The following CAMTA1 variants were observed in gnomAD, a reference collection of about 807,000 sequenced individuals.
The protein encoded by CAMTA1 is calmodulin-binding transcription activator 1.
Under a neutral mutation model 170.9 loss-of-function variants are expected in CAMTA1, and 27 were observed. The observed-to-expected ratio is 0.16, with a 90% confidence interval of 0.12 to 0.22. The LOEUF is 0.22. Ranked by LOEUF, CAMTA1 falls within the 10% of genes least tolerant of loss-of-function variation. CAMTA1 has a pLI of 1.00. For synonymous variants in CAMTA1, 833 were observed against 891.5 expected, an observed-to-expected ratio of 0.93 and a Z score of 1.17; for missense variants, 1,619 against 2,217.2, an observed-to-expected ratio of 0.73 and a Z score of 5.42.
At chr1:7,582,003 T>G (rs900686629) in intron 6 of CAMTA1, among the ~76,000 whole-genome samples, 1 of 152,162 alleles carries the variant, frequency 6.6e-6, no homozygotes, top group Non-Finnish European at 1.5e-5. Flanking sequence ...TCCGTCTTCT[T>G]GTCTCTCTGC....
intron 3 of CAMTA1, among the ~76,000 whole-genome samples, chr1:6,979,815 G>A (rs1205051428): frequency 6.6e-6 from 1 of 150,648 alleles, no homozygotes; most frequent in South Asian, 2.1e-4. Context: ...GAGGACCCCC[G>A]GCACCCGGGA....
chr1:7,573,550 G>T (rs963442615), intron 6 of CAMTA1, among the ~76,000 whole-genome samples: 1 of 152,182 alleles, frequency 6.6e-6, no homozygotes, highest in Non-Finnish European at 1.5e-5. Context: ...AAACCACAGC[G>T]CCAGCAGGGC....
In CAMTA1 at chr1:7,065,592, T is replaced by G. The variant is rs917461719; in HGVS notation, c.235-25712T>G. On this transcript the variant is annotated intron_variant, in intron 3 of 22. Transcript: ENST00000303635. This position sits in a 1 kb window ranked among gnomAD's most constrained non-coding sequence, Gnocchi z 5.2. ...AGGGCGCAGCTGGAGGGATTCTACC[T>G]GGAGCAGGTGGGGGTGCTTATTTCA... Among the ~76,000 whole-genome samples, 1 of 151,974 alleles carries G rather than the reference T, an allele frequency of 6.6e-6. No individual in the cohort carries two copies. Among genetic ancestry groups the G allele is most frequent in the Admixed American group, 6.5e-5 (1 of 15,268 alleles).
intron 1 of CAMTA1, among the ~76,000 whole-genome samples, chr1:6,790,982 G>C (rs1328671042): frequency 6.6e-6 from 1 of 152,090 alleles, no homozygotes; most frequent in Admixed American, 6.5e-5. Context: ...TGTAATATGT[G>C]GTTTGGCAGT....
At chr1:7,656,999 C>T (rs934456051) in intron 7 of CAMTA1, among the ~76,000 whole-genome samples, 2 of 152,224 alleles carry the variant, frequency 1.3e-5, no homozygotes, top group Admixed American at 6.5e-5. Context: ...ACACAGGCCG[C>T]GCTGCAGGCA....
intron 9 of CAMTA1, among the ~76,000 whole-genome samples, chr1:7,669,856 G>A (rs538091122): frequency 9.8e-5 from 15 of 152,336 alleles, no homozygotes; most frequent in South Asian, 8.3e-4. Context: ...CGGCTAAGCC[G>A]TAAGTAGGGG....
chr1:7,305,113 CT>C (rs1311391383), intron 5 of CAMTA1, among the ~76,000 whole-genome samples: 1 of 152,014 alleles, frequency 6.6e-6, no homozygotes, highest in East Asian at 1.9e-4. Flanking sequence ...AATCATCTAC[CT>C]TTTTTTCTTG....
intron 6 of CAMTA1, among the ~76,000 whole-genome samples, chr1:7,558,252 G>A (rs372765588): frequency 3.0e-4 from 46 of 152,330 alleles, no homozygotes; most frequent in Admixed American, 1.6e-3. Context: ...CAGGGCCCCC[G>A]CCCGCTGCCT....
intron 6 of CAMTA1, among the ~76,000 whole-genome samples, chr1:7,535,861 C>T (rs2094543484): frequency 6.6e-6 from 1 of 152,164 alleles, no homozygotes; most frequent in Non-Finnish European, 1.5e-5. Context: ...GGGGCGCTGC[C>T]ACAGGTGTGA....
intron 11 of CAMTA1, among the ~76,000 whole-genome samples, chr1:7,718,723 A>G (rs2096629839): frequency 1.3e-5 from 2 of 151,414 alleles, no homozygotes; most frequent in East Asian, 3.9e-4. Context: ...ATGCCCAGCT[A>G]ATTTTTGTGT....
At chr1:7,661,543 T>A (rs938489294) in intron 7 of CAMTA1, among the ~76,000 whole-genome samples, 183 bp from the exon 8 acceptor site, 27 of 152,168 alleles carry the variant, frequency 1.8e-4, no homozygotes, top group African/African-American at 6.0e-4. Context: ...GCAGGGGGTC[T>A]GGCGGGGGCA....
At position 7,601,989 on chromosome 1, in the gene CAMTA1, G is replaced by GGGGAGA. The variant is rs1168305140; in HGVS notation, c.511-38384_511-38379dup. 4.6e-3 allele frequency among the ~76,000 whole-genome samples: 537 copies of GGGGAGA among 116,498 alleles called. 16 individuals are homozygous for GGGGAGA. Among genetic ancestry groups the GGGGAGA allele is most frequent in the African/African-American group, 0.01 (289 of 28,272 alleles). The allele number at this position is 116,498 out of a possible 152,430, so 76.4% of individuals were successfully genotyped here. A position where few individuals can be genotyped will look rare whatever the true frequency, so the allele number is the denominator to read the frequency against. The stretch of plus-strand genomic sequence containing the variant: ...GAGACTGTGGGGAGAGGGAGACCGT[G>GGGGAGA]GGGAGAGGGAGAGGGAGAGGGAGAG... On this transcript the variant is annotated intron_variant, in intron 6 of 22. Transcript: ENST00000303635.
intron 4 of CAMTA1, among the ~76,000 whole-genome samples, chr1:7,162,120 G>A (rs372385300): frequency 1.2e-4 from 18 of 152,172 alleles, no homozygotes; most frequent in African/African-American, 4.3e-4. Context: ...TAGAGGAATA[G>A]AAAGAAGGCC....
intron 5 of CAMTA1, among the ~76,000 whole-genome samples, chr1:7,359,045 G>A (rs1413783333): frequency 6.6e-6 from 1 of 152,216 alleles, no homozygotes; most frequent in African/African-American, 2.4e-5. Flanking sequence ...AGTTCTAGAG[G>A]CTTTCCCTGT....
At chr1:6,852,195 G>A (rs1467570267) in intron 3 of CAMTA1, among the ~76,000 whole-genome samples, 2 of 152,094 alleles carry the variant, frequency 1.3e-5, no homozygotes. Context: ...CCCTTCAAAA[G>A]TGAGGACAAA....
At chr1:7,704,982 G>C (rs2096494102) in intron 11 of CAMTA1, among the ~76,000 whole-genome samples, 1 of 55,810 alleles carries the variant, frequency 1.8e-5, no homozygotes, top group Non-Finnish European at 3.8e-5. Context: ...CGGGGGCGGG[G>C]CCGGGGCGTG....
intron 3 of CAMTA1, among the ~76,000 whole-genome samples, chr1:6,928,738 T>G (rs1469808209): frequency 6.6e-6 from 1 of 152,236 alleles, no homozygotes; most frequent in Non-Finnish European, 1.5e-5. Flanking sequence ...GTCCTTGGCT[T>G]GCCCCAGCTC....
intron 3 of CAMTA1, among the ~76,000 whole-genome samples, chr1:6,903,297 T>C (rs1677542647): frequency 6.6e-6 from 1 of 152,202 alleles, no homozygotes; most frequent in Non-Finnish European, 1.5e-5. Context: ...GGTGGAAGTG[T>C]AGGCTCACTC....
intron 5 of CAMTA1, among the ~76,000 whole-genome samples, chr1:7,462,063 G>A (rs1213338264): frequency 6.6e-6 from 1 of 152,212 alleles, no homozygotes; most frequent in Non-Finnish European, 1.5e-5. Flanking sequence ...ATCCACACTT[G>A]TCCCAACCTG....
Sources: gnomAD v4.1 joint callset for allele counts (sites outside exome capture counted in the v4.1 genomes callset) on GRCh38, gnomAD v4.1.1 for gene constraint, Gnocchi (gnomAD v3.1) non-coding constraint, MANE v1.5 for transcripts, NCBI Gene and HGNC (gene_info 2026-07-23, HGNC 2026-07-21) for gene names.